PTPRN2: variants seen among roughly 807,000 people sequenced by gnomAD.
PTPRN2 encodes the protein receptor-type tyrosine-protein phosphatase N2.
PTPRN2 carries 74 observed loss-of-function variants against 118.8 expected under a neutral mutation model. That is an observed-to-expected ratio of 0.62 (90% confidence interval 0.52 to 0.76). PTPRN2 has a LOEUF of 0.76. PTPRN2 is among the 30% of genes least tolerant of loss of function. PTPRN2 has a pLI of 0.00. For synonymous variants in PTPRN2, 641 were observed against 608.0 expected (o/e 1.05, Z -0.80); for missense variants, 1,481 against 1,394.4 (o/e 1.06, Z -0.99).
rs1396667440 is a variant in PTPRN2 at position 158,574,592 on chromosome 7, G to A, written c.112+12966C>T. Among the ~76,000 whole-genome samples, 1 of 152,230 alleles carries A rather than the reference G, an allele frequency of 6.6e-6. No individual in the cohort carries two copies. The highest frequency in any genetic ancestry group is 1.9e-4 in the East Asian group (1 of 5,202). ...CTTCCTTCCTAAGGTTAGATGTGGG[G>A]CAGCTCTGGCAGAAGAGTGATAGGA... On this transcript the variant is annotated intron_variant, in intron 1 of 22. Transcript: ENST00000389418. This position sits in a 1 kb window ranked among gnomAD's most constrained non-coding sequence, Gnocchi z 4.6.
intron 11 of PTPRN2, among the ~76,000 whole-genome samples, chr7:158,061,387 C>G (rs2128907381): frequency 6.6e-6 from 1 of 152,350 alleles, no homozygotes; most frequent in African/African-American, 2.4e-5. Flanking sequence ...GCTCCAGACA[C>G]CTGTTCCGAG....
At chr7:158,108,723 T>G (rs1158458203) in intron 10 of PTPRN2, among the ~76,000 whole-genome samples, 2 of 152,240 alleles carry the variant, frequency 1.3e-5, no homozygotes, top group Non-Finnish European at 2.9e-5. Flanking sequence ...GTGCTTCTCA[T>G]GCATGTCCCC....
At chr7:158,352,363 G>C (rs984162084) in intron 2 of PTPRN2, among the ~76,000 whole-genome samples, 1 of 146,944 alleles carries the variant, frequency 6.8e-6, no homozygotes, top group Non-Finnish European at 1.5e-5. Context: ...CTCCCCTCCT[G>C]ACCACTCCCC....
At chr7:157,542,492 A>G (rs546162916) in intron 22 of PTPRN2, among the ~76,000 whole-genome samples, 1 of 150,554 alleles carries the variant, frequency 6.6e-6, no homozygotes, top group Admixed American at 6.6e-5. Flanking sequence ...GAGGCTGGAA[A>G]GCGCTCCACC....
intron 12 of PTPRN2, among the ~76,000 whole-genome samples, chr7:157,826,709 TG>T (rs1774039498): frequency 6.6e-6 from 1 of 152,154 alleles, no homozygotes. Flanking sequence ...CAGCGGAGCC[TG>T]GCGGGGACTT....
chr7:158,082,997 T>C (rs978744648), intron 10 of PTPRN2, among the ~76,000 whole-genome samples: 3 of 152,090 alleles, frequency 2.0e-5, no homozygotes, highest in African/African-American at 7.2e-5. Flanking sequence ...GGACTGCAGC[T>C]CTCCTGCCAA....
At chr7:158,385,399 A>C (rs1811258846) in intron 2 of PTPRN2, among the ~76,000 whole-genome samples, 1 of 152,234 alleles carries the variant, frequency 6.6e-6, no homozygotes, top group Non-Finnish European at 1.5e-5. Flanking sequence ...GTGAAAGTGC[A>C]ACAACCAAGT....
intron 2 of PTPRN2, among the ~76,000 whole-genome samples, chr7:158,331,219 TAA>T: frequency 6.9e-6 from 1 of 145,384 alleles, no homozygotes; most frequent in Non-Finnish European, 1.5e-5. Context: ...ACTCTCACCA[TAA>T]GAGCTGACGC....
At chr7:158,440,810 TGG>T (rs1563294520) in intron 2 of PTPRN2, among the ~76,000 whole-genome samples, 1 of 79,182 alleles carries the variant, frequency 1.3e-5, no homozygotes, top group Non-Finnish European at 2.5e-5. Flanking sequence ...GTGGTGATGG[TGG>T]TAGTAGTAGT....
intron 3 of PTPRN2, among the ~76,000 whole-genome samples, chr7:158,302,179 C>T (rs569994741): frequency 6.6e-6 from 1 of 152,354 alleles, no homozygotes; most frequent in East Asian, 1.9e-4. Flanking sequence ...GACAGCCACA[C>T]TGCTGCTTCC....
chr7:157,954,649 G>A (rs969517690), intron 11 of PTPRN2, among the ~76,000 whole-genome samples: 3 of 152,208 alleles, frequency 2.0e-5, no homozygotes, highest in Non-Finnish European at 4.4e-5. Flanking sequence ...GTCTCAGCCG[G>A]GGTGATATTA....
chr7:157,917,976 A>T (rs1443098886), intron 11 of PTPRN2, among the ~76,000 whole-genome samples: 7 of 151,750 alleles, frequency 4.6e-5, no homozygotes, highest in Admixed American at 4.6e-4. Flanking sequence ...ATTAAAAGGC[A>T]TCTGAATAAA....
chr7:158,202,245 G>A (rs764786835), intron 4 of PTPRN2, among the ~76,000 whole-genome samples: 4 of 152,106 alleles, frequency 2.6e-5, no homozygotes, highest in South Asian at 2.1e-4. Context: ...AAAGAAAAAC[G>A]ATCACATTTC....
At chr7:158,221,947 T>C (rs1429455489) in intron 3 of PTPRN2, among the ~76,000 whole-genome samples, 1 of 152,134 alleles carries the variant, frequency 6.6e-6, no homozygotes, top group Non-Finnish European at 1.5e-5. Context: ...AAAGAAGACA[T>C]AGAAGCGGCC....
chr7:157,896,815 C>G (rs1041450407), intron 12 of PTPRN2, among the ~76,000 whole-genome samples: 2 of 152,192 alleles, frequency 1.3e-5, no homozygotes, highest in Admixed American at 6.5e-5. Context: ...GTCACCATGT[C>G]CTGCCTCTTT....
At chr7:158,384,943 C>T (rs1162812896) in intron 2 of PTPRN2, among the ~76,000 whole-genome samples, 2 of 151,876 alleles carry the variant, frequency 1.3e-5, no homozygotes, top group Admixed American at 6.6e-5. Context: ...GTATTTGCTG[C>T]GCATCAGTAA....
intron 12 of PTPRN2, among the ~76,000 whole-genome samples, chr7:157,840,968 T>C (rs982396298): frequency 6.6e-6 from 1 of 152,186 alleles, no homozygotes; most frequent in Non-Finnish European, 1.5e-5. Context: ...CCCCTCCTCC[T>C]CTCTCAACGT....
At position 157,734,110 on chromosome 7, in the gene PTPRN2, T is replaced by A. The variant is rs796588476; in HGVS notation, c.1789-51173A>T. 7.0e-4 allele frequency among the ~76,000 whole-genome samples: 63 copies of A among 90,192 alleles called. 20 individuals are homozygous for A. Among genetic ancestry groups the A allele is most frequent in the African/African-American group, 3.2e-3 (58 of 18,116 alleles). 59.2% of individuals were successfully genotyped at this position (90,192 alleles called of 152,430 possible). A position where few individuals can be genotyped will look rare whatever the true frequency, so the allele number is the denominator to read the frequency against. ...AGCACAGTTACCCTTTCCCGTCCCA[T>A]GCGCCCAGCACAGTTACCCTTTCCC... is the stretch of plus-strand genomic sequence containing the variant. On this transcript the variant is annotated intron_variant, in intron 12 of 22. Transcript: ENST00000389418.
intron 1 of PTPRN2, among the ~76,000 whole-genome samples, chr7:158,587,200 ATT>A (rs1484604179): frequency 1.0e-5 from 1 of 97,578 alleles, no homozygotes; most frequent in Non-Finnish European, 2.0e-5. Context: ...CCACTCATTC[ATT>A]GAGGCGCCCC....
Sources: allele counts gnomAD v4.1 joint callset (sites outside exome capture counted in the v4.1 genomes callset), GRCh38; gene constraint gnomAD v4.1.1; non-coding constraint Gnocchi (gnomAD v3.1); transcripts MANE v1.5; gene names NCBI Gene and HGNC (gene_info 2026-07-23, HGNC 2026-07-21).